ERBB4: variants seen among roughly 807,000 people sequenced by gnomAD.
ERBB4 encodes receptor tyrosine-protein kinase erbB-4.
ERBB4 carries 42 observed loss-of-function variants against 158.0 expected under a neutral mutation model. That is an observed-to-expected ratio of 0.27 (90% CI 0.21 to 0.34). The LOEUF is 0.34. ERBB4 is among the 10% of genes least tolerant of loss of function. ERBB4 has a pLI of 1.00. For synonymous variants in ERBB4, 583 were observed against 558.7 expected (o/e 1.04, Z -0.61); for missense variants, 1,333 against 1,624.1 (o/e 0.82, Z 3.08).
chr2:211,487,790 C>T lies in ERBB4; in HGVS notation c.2488-56690G>A, dbSNP rs144119983. ...TGTAAATTTCACTGACAGTAAAGGG[C>T]TGCGGGGGTTATGGAAAAGGAGAGG... On this transcript the variant is annotated intron_variant, in intron 20 of 27. Coordinates refer to ENST00000342788, the MANE Select transcript of ERBB4 (RefSeq NM_005235.3). Among the ~76,000 whole-genome samples the T allele has an allele frequency of 4.2e-3, 637 of 152,132 alleles. 1 individual carries two copies. The highest frequency in any genetic ancestry group is 0.015 in the African/African-American group (607 of 41,528).
intron 3 of ERBB4, among the ~76,000 whole-genome samples, chr2:211,881,690 C>T (rs2078667777): frequency 6.6e-6 from 1 of 152,056 alleles, no homozygotes; most frequent in Non-Finnish European, 1.5e-5. Flanking sequence ...ACCGCCCCTC[C>T]ACTAGCTCAT....
At chr2:211,446,467 T>C (rs1266731771) in intron 20 of ERBB4, among the ~76,000 whole-genome samples, 1 of 152,206 alleles carries the variant, frequency 6.6e-6, no homozygotes, top group African/African-American at 2.4e-5. Flanking sequence ...CAAAGTGTCA[T>C]GTATATGAGT....
At chr2:211,576,228 G>C (rs149098260) in intron 19 of ERBB4, among the ~76,000 whole-genome samples, 4 of 152,094 alleles carry the variant, frequency 2.6e-5, no homozygotes, top group Non-Finnish European at 4.4e-5. Context: ...TGTTTCAGGG[G>C]GCTGAGTCAA....
chr2:211,722,506 G>C lies in ERBB4; in HGVS notation c.770C>G (p.Ala257Gly). 4.3e-6 allele frequency: 7 copies of C among 1,613,866 alleles called. No individual in the cohort carries two copies. Among genetic ancestry groups the C allele is most frequent in the Non-Finnish European group, 5.9e-6 (7 of 1,179,772 alleles). ...FACMNFNDSG[A>G]CVTQCPQTFV... ...GGTTTGGGGACACTGAGTAACACAT[G>C]CTCCACTGTCATTGAAATTCATGCA... Residue 257 changes from alanine to glycine, a missense_variant, in exon 7 of 28, where the codon GCA becomes GGA. Coordinates refer to ENST00000342788, the MANE Select transcript of ERBB4 (RefSeq NM_005235.3).
At chr2:211,517,161 G>T (rs1172713955) in intron 20 of ERBB4, among the ~76,000 whole-genome samples, 1 of 151,948 alleles carries the variant, frequency 6.6e-6, no homozygotes, top group Non-Finnish European at 1.5e-5. Flanking sequence ...ATGGTACTGG[G>T]AATTAAAAAA....
chr2:212,486,157 A>G (rs1348242988), intron 1 of ERBB4, among the ~76,000 whole-genome samples: 1 of 151,308 alleles, frequency 6.6e-6, no homozygotes, highest in Non-Finnish European at 1.5e-5. Context: ...AAAACATGCA[A>G]ACAAAATAAG....
At chr2:211,742,259 C>T (rs1423995927) in intron 5 of ERBB4, among the ~76,000 whole-genome samples, 1 of 152,112 alleles carries the variant, frequency 6.6e-6, no homozygotes, top group African/African-American at 2.4e-5. Context: ...ACATTTGTTC[C>T]ACAAAGAATG....
intron 2 of ERBB4, among the ~76,000 whole-genome samples, chr2:212,079,865 A>C (rs1029585948): frequency 6.6e-6 from 1 of 152,164 alleles, no homozygotes. Flanking sequence ...ATAGATAGAT[A>C]GATATAAATG....
At chr2:212,101,892 A>G (rs935648261) in intron 2 of ERBB4, among the ~76,000 whole-genome samples, 2 of 151,600 alleles carry the variant, frequency 1.3e-5, no homozygotes, top group African/African-American at 4.8e-5. Flanking sequence ...GGTCCCTGCT[A>G]GTACGTTTTG....
At chr2:212,285,098 T>G (rs1040187082) in intron 1 of ERBB4, among the ~76,000 whole-genome samples, 4 of 152,132 alleles carry the variant, frequency 2.6e-5, no homozygotes, top group African/African-American at 9.6e-5. Context: ...TGGTCTGATA[T>G]TTACATCAAT....
chr2:212,379,870 G>A (rs1406629245), intron 1 of ERBB4, among the ~76,000 whole-genome samples: 1 of 150,310 alleles, frequency 6.7e-6, no homozygotes, highest in Non-Finnish European at 1.5e-5. Context: ...CCAATGGGAG[G>A]CTGAAAGCAA....
chr2:212,488,327 C>CTG (rs1192447687), intron 1 of ERBB4, among the ~76,000 whole-genome samples: 1 of 116,746 alleles, frequency 8.6e-6, no homozygotes, highest in Non-Finnish European at 1.8e-5. Context: ...TCCTCTCTCT[C>CTG]TCTCTCTCTC....
Position 211,423,427 on chromosome 2 carries a change from T to A in ERBB4, c.2866+728A>T, listed in dbSNP as rs571974858. ...AAATCAGAAGGGGAAAGCCTTAGATTATACAAGAGAGATTGCTGCATGTTA... is the reference window on the plus strand; with the variant it reads ...AAATCAGAAGGGGAAAGCCTTAGATAATACAAGAGAGATTGCTGCATGTTA... On this transcript the variant is annotated intron_variant, in intron 23 of 27. Coordinates refer to ENST00000342788, the MANE Select transcript of ERBB4 (RefSeq NM_005235.3). Among the ~76,000 whole-genome samples the A allele has an allele frequency of 7.2e-5, 11 of 152,062 alleles. 2 individuals are homozygous for A. The highest frequency in any genetic ancestry group is 2.6e-4 in the African/African-American group (11 of 41,546).
chr2:212,117,040 C>T (rs2079591555), intron 2 of ERBB4, among the ~76,000 whole-genome samples: 1 of 152,164 alleles, frequency 6.6e-6, no homozygotes, highest in African/African-American at 2.4e-5. Context: ...GCCGTAAATA[C>T]ACACATACAA....
intron 1 of ERBB4, among the ~76,000 whole-genome samples, chr2:212,523,175 G>T (rs879724411): frequency 5.3e-5 from 8 of 151,712 alleles, no homozygotes; most frequent in Admixed American, 2.0e-4. Context: ...TTGTAATTAC[G>T]CCAGGCATGC....
intron 19 of ERBB4, among the ~76,000 whole-genome samples, chr2:211,572,280 A>G (rs898899674): frequency 1.3e-5 from 2 of 152,230 alleles, no homozygotes; most frequent in Admixed American, 1.3e-4. Flanking sequence ...GTTGAATTAA[A>G]TTTTATATTG....
rs1216556870 is a variant in ERBB4 at position 212,168,486 on chromosome 2, C to T, written c.83-43583G>A. Among the ~76,000 whole-genome samples, 4 of 152,222 alleles carry T rather than the reference C, an allele frequency of 2.6e-5. 1 individual carries two copies. The South Asian group carries it at 6.2e-4, about 24-fold the overall frequency. Reference sequence around the variant, plus strand: ...ACAGTTTCTAATGGAGGGCACCATGCTAAGAGCTGTGGGAGAGAAAGACAT... The same window carrying T: ...ACAGTTTCTAATGGAGGGCACCATGTTAAGAGCTGTGGGAGAGAAAGACAT... On this transcript the variant is annotated intron_variant, in intron 1 of 27. Transcript: ENST00000342788.
At chr2:212,238,967 T>C (rs1395835434) in intron 1 of ERBB4, among the ~76,000 whole-genome samples, 1 of 152,114 alleles carries the variant, frequency 6.6e-6, no homozygotes, top group Non-Finnish European at 1.5e-5. Context: ...GAATTTGGAG[T>C]CTGGGCTTCA....
chr2:212,452,157 A>G (rs972489), intron 1 of ERBB4, among the ~76,000 whole-genome samples: 19,318 of 152,044 alleles, frequency 0.13, 1,364 homozygotes, highest in Non-Finnish European at 0.16. Context: ...GGGAGGGAAT[A>G]ACTTACCAAG....
Sources: allele counts gnomAD v4.1 joint callset (sites outside exome capture counted in the v4.1 genomes callset), GRCh38; gene constraint gnomAD v4.1.1; transcripts MANE v1.5; gene names NCBI Gene and HGNC (gene_info 2026-07-23, HGNC 2026-07-21).